APOH: variants seen among roughly 807,000 people sequenced by gnomAD.
APOH encodes apolipoprotein H.
In APOH, 48 loss-of-function variants were observed where a neutral mutation model predicts 39.8. The observed-to-expected ratio is 1.21, with a 90% CI of 0.96 to 1.54. The LOEUF (loss-of-function observed/expected upper bound fraction) is 1.54. Among genes scored for constraint, APOH ranks in the 40% most tolerant of loss-of-function variants. APOH has a pLI of 0.00. For synonymous variants in APOH, 153 were observed against 151.1 expected (o/e 1.01, Z -0.09); for missense variants, 415 against 421.2 (o/e 0.99, Z 0.13).
At position 66,223,758 on chromosome 17, in the gene APOH, C is replaced by T. The variant is rs189980938; in HGVS notation, c.355G>A (p.Ala119Thr). The T allele has an allele frequency of 3.0e-5, 49 of 1,614,132 alleles. No individual in the cohort carries two copies. In the Middle Eastern group the frequency reaches 6.6e-4, roughly 22 times the overall value. Residue 119 changes from alanine to threonine, a missense_variant, in exon 4 of 8, where the codon GCT becomes ACT. Physicochemically the swap from Ala to Thr is moderately conservative, Grantham distance 58 (BLOSUM62 0). This residue lies in a region of APOH where 288 missense variants were observed against 284.9 expected (regional missense o/e 1.01). Coordinates refer to ENST00000205948, the MANE Select transcript of APOH (RefSeq NM_000042.3). ...TCCTCAGTGCACTTGGCAGAATCAG[C>T]GCCATTCAGATAAAACCTGCAAAAG... ...SCNTGFYLNG[A>T]DSAKCTEEGK...
chr17:66,224,973 A>C (rs1477004960), intron 3 of APOH, among the ~76,000 whole-genome samples: 1 of 151,966 alleles, frequency 6.6e-6, no homozygotes, highest in Non-Finnish European at 1.5e-5. Flanking sequence ...AAGCTGAGGC[A>C]GGAGAATTGC....
intron 3 of APOH, among the ~76,000 whole-genome samples, 186 bp downstream of exon 3, chr17:66,225,842 G>C (rs550914692): frequency 6.6e-6 from 1 of 150,712 alleles, no homozygotes; most frequent in Admixed American, 6.6e-5. Context: ...GCACCACTGC[G>C]CTCCAGCCTG....
intron 5 of APOH, among the ~76,000 whole-genome samples, chr17:66,217,571 A>G (rs949656117): frequency 6.6e-6 from 1 of 152,064 alleles, no homozygotes; most frequent in Non-Finnish European, 1.5e-5. Flanking sequence ...ATATTCTCAG[A>G]GGTAGTTTAA....
intron 4 of APOH, among the ~76,000 whole-genome samples, chr17:66,221,140 C>A (rs1229919069): frequency 6.6e-6 from 1 of 151,066 alleles, no homozygotes; most frequent in Non-Finnish European, 1.5e-5. Flanking sequence ...TTGCAGTGAG[C>A]CAAAATCGCA....
Position 66,226,069 on chromosome 17 carries a change from A to G in APOH, c.297T>C (p.Thr99=), listed in dbSNP as rs759854580. Residue 99 remains threonine, a synonymous_variant, in exon 3 of 8, where the codon ACT becomes ACC. Coordinates refer to ENST00000205948, the MANE Select transcript of APOH (RefSeq NM_000042.3). The part of the protein sequence containing the change: ...ILENGAVRYT[T]FEYPNTISFS... ...AACTGATCGTGTTGGGATATTCAAA[A>G]GTCGTATAGCGTACGGCTCCATTTT... 1.9e-6 allele frequency: 3 copies of G among 1,613,738 alleles called. No homozygotes were observed. The highest frequency in any genetic ancestry group is 2.2e-5 in the South Asian group (2 of 90,984).
intron 5 of APOH, among the ~76,000 whole-genome samples, chr17:66,218,453 C>A (rs193081495): frequency 2.0e-5 from 3 of 152,000 alleles, no homozygotes; most frequent in Non-Finnish European, 4.4e-5. Flanking sequence ...AGACTACAGG[C>A]GCACGCCACC....
chr17:66,216,908 G>T lies in APOH; in HGVS notation c.664C>A (p.Pro222Thr). 6.2e-7 allele frequency: 1 copy of T among 1,612,568 alleles called. No homozygotes were observed. Residue 222 changes from proline (P) to threonine (T), a missense_variant, in exon 6 of 8, where the codon CCA becomes ACA. Transcript: ENST00000205948. ...DNGFVNYPAK[P>T]TLYYKDKATF... The stretch of plus-strand genomic sequence containing the variant: ...GCTTTATCCTTGTAATAAAGTGTTG[G>T]TTTTGCAGGATAGTTCACAAATCCA...
chr17:66,218,108 G>A (rs1598550599), intron 5 of APOH, among the ~76,000 whole-genome samples: 1 of 152,118 alleles, frequency 6.6e-6, no homozygotes, highest in Admixed American at 6.6e-5. Context: ...CAGATTCAAG[G>A]ATCATCATTG....
chr17:66,216,680 C>A, intron 6 of APOH, 108 bp downstream of exon 6: 1 of 1,166,058 alleles, frequency 8.6e-7, no homozygotes, highest in Non-Finnish European at 1.2e-6. Flanking sequence ...AGTTTCCTAG[C>A]AAGTCTGAGC....
intron 7 of APOH, 37 bp from the exon 8 acceptor site, chr17:66,212,225 A>G (rs377164737): frequency 5.7e-6 from 9 of 1,578,656 alleles, no homozygotes; most frequent in Admixed American, 1.7e-5. Flanking sequence ...TCTAAGAGAA[A>G]CAATCATTTC....
intron 3 of APOH, among the ~76,000 whole-genome samples, chr17:66,224,736 AGGAAAGGAAAGGAAAG>A (rs2073428314): frequency 6.9e-6 from 1 of 143,928 alleles, no homozygotes; most frequent in Admixed American, 7.1e-5. Flanking sequence ...AGGAAAGGAA[AGGAAAGGAAAGGAAAG>A]GAAAGGAAAG....
chr17:66,222,069 CTT>C (rs1472447209), intron 4 of APOH, among the ~76,000 whole-genome samples: 1 of 152,146 alleles, frequency 6.6e-6, no homozygotes, highest in Non-Finnish European at 1.5e-5. Flanking sequence ...CTCAAGCAGT[CTT>C]TCTATTTACA....
At chr17:66,222,520 G>A (rs561627326) in intron 4 of APOH, among the ~76,000 whole-genome samples, 84 of 148,248 alleles carry the variant, frequency 5.7e-4, no homozygotes, top group African/African-American at 2.0e-3. Flanking sequence ...GCTTGTTCAG[G>A]TCTTCTTAAA....
Position 66,229,050 on chromosome 17 carries a change from C to A in APOH, c.64+266G>T, listed in dbSNP as rs115904482. ...GTTTCACTATGTTGCCCAGGCTGGG[C>A]TCGAATTCCTGACCTCAACTGATTC... On this transcript the variant is annotated intron_variant, in intron 1 of 7. Coordinates refer to ENST00000205948, the MANE Select transcript of APOH (RefSeq NM_000042.3). Among the ~76,000 whole-genome samples, 892 of 151,902 alleles carry A rather than the reference C, an allele frequency of 5.9e-3. 8 individuals are homozygous for A. Among genetic ancestry groups the A allele is most frequent in the African/African-American group, 0.021 (858 of 41,452 alleles).
chr17:66,228,242 T>C, intron 1 of APOH, 46 bp from the exon 2 acceptor site: 2 of 1,580,292 alleles, frequency 1.3e-6, no homozygotes, highest in Non-Finnish European at 1.7e-6. Context: ...TCTATTTGCA[T>C]TTTAAAGTTC....
chr17:66,213,893 G>A (rs1333790306), intron 7 of APOH, among the ~76,000 whole-genome samples: 5 of 151,512 alleles, frequency 3.3e-5, no homozygotes, highest in Admixed American at 1.3e-4. Context: ...AGATGTGATC[G>A]CAACACTGCA....
intron 6 of APOH, among the ~76,000 whole-genome samples, chr17:66,215,439 C>T (rs1300657108): frequency 2.0e-5 from 3 of 152,178 alleles, no homozygotes; most frequent in Non-Finnish European, 4.4e-5. Flanking sequence ...TGATCCACAG[C>T]GAAGTTTGAG....
intron 7 of APOH, 94 bp from the exon 8 acceptor site, chr17:66,212,282 A>ATTC: frequency 1.0e-6 from 1 of 984,726 alleles, no homozygotes; most frequent in Non-Finnish European, 1.6e-6. Context: ...TTTTACGAGT[A>ATTC]TATAGAATAC....
intron 4 of APOH, among the ~76,000 whole-genome samples, chr17:66,221,266 AAAGG>A (rs369169198): frequency 0.038 from 4,569 of 120,514 alleles, 153 homozygotes; most frequent in African/African-American, 0.078. Flanking sequence ...AGAGAGAAAG[AAAGG>A]AAGGAAGGAA....
Sources: gnomAD v4.1 joint callset for allele counts (sites outside exome capture counted in the v4.1 genomes callset) on GRCh38, gnomAD v4.1.1 for gene constraint, gnomAD v4.1.1 regional missense constraint, MANE v1.5 for transcripts, NCBI Gene and HGNC (gene_info 2026-07-23, HGNC 2026-07-21) for gene names.